Variants in MARK2 observed in about 807,000 individuals in gnomAD.
The protein encoded by MARK2 is microtubule affinity regulating kinase 2.
A neutral mutation model predicts 89.8 loss-of-function variants in MARK2; 16 were observed. The ratio of observed to expected loss-of-function variants is 0.18; its 90% CI spans 0.12 to 0.27. The LOEUF (loss-of-function observed/expected upper bound fraction) is 0.27. MARK2 is among the 10% of genes least tolerant of loss of function. The pLI is 1.00. For synonymous variants in MARK2, 382 were observed against 399.5 expected (o/e 0.96, Z 0.52); for missense variants, 621 against 1,049.9 (o/e 0.59, Z 5.65).
chr11:63,909,307 C>G lies in MARK2; in HGVS notation c.*70C>G. 6.9e-7 allele frequency: 1 copy of G among 1,449,464 alleles called. No homozygotes were observed. The allele number at this position is 1,449,464 out of a possible 1,614,324, so 89.8% of individuals were successfully genotyped here. On this transcript the variant is annotated 3_prime_UTR_variant, in exon 19 of 19. Transcript: ENST00000402010. ...GGCTGCCGGCCGCTGCGCCGCCCCA[C>G]CTGGGCGAGACTGCAGCGATGGATT...
At chr11:63,905,685 A>G (rs1253858348) in intron 16 of MARK2, among the ~76,000 whole-genome samples, 4 of 152,238 alleles carry the variant, frequency 2.6e-5, no homozygotes, top group African/African-American at 9.6e-5. Context: ...CAGCCACCAC[A>G]GAGGTGCAGC....
chr11:63,856,940 T>C (rs2016894965), intron 1 of MARK2, among the ~76,000 whole-genome samples: 1 of 151,724 alleles, frequency 6.6e-6, no homozygotes, highest in African/African-American at 2.4e-5. Context: ...CCCGAGTAGC[T>C]GGGAGGGACT....
chr11:63,889,509 C>G (rs1939657900), intron 1 of MARK2, among the ~76,000 whole-genome samples: 1 of 152,216 alleles, frequency 6.6e-6, no homozygotes. Flanking sequence ...CCCTGCCTAC[C>G]TGAGTCAGCG....
At chr11:63,849,963 G>A (rs983019845) in intron 1 of MARK2, 3 of 152,194 alleles carry the variant, frequency 2.0e-5, no homozygotes, top group Admixed American at 6.5e-5. Context: ...ACAGCAGAAT[G>A]ATCATTGTCA....
At chr11:63,898,160 G>C in intron 3 of MARK2, 72 bp from the exon 4 acceptor site, 2 of 1,347,818 alleles carry the variant, frequency 1.5e-6, no homozygotes, top group Non-Finnish European at 2.1e-6. Flanking sequence ...AACAAATCCT[G>C]GCAGGGACTG....
intron 3 of MARK2, among the ~76,000 whole-genome samples, chr11:63,896,285 T>C (rs1038929650): frequency 9.2e-5 from 14 of 152,156 alleles, no homozygotes; most frequent in Admixed American, 7.9e-4. Flanking sequence ...CAAAAACACA[T>C]GTTTGTAGCC....
At chr11:63,866,563 G>A (rs1938142134) in intron 1 of MARK2, among the ~76,000 whole-genome samples, 1 of 152,126 alleles carries the variant, frequency 6.6e-6, no homozygotes, top group Non-Finnish European at 1.5e-5. Flanking sequence ...TTTAGGTGCT[G>A]AACTCCCAGT....
At chr11:63,858,275 C>G (rs566163306) in intron 1 of MARK2, among the ~76,000 whole-genome samples, 42 of 152,170 alleles carry the variant, frequency 2.8e-4, no homozygotes, top group African/African-American at 9.9e-4. Context: ...CTCGGCCTCC[C>G]AAAGTGCTAG....
chr11:63,899,865 A>G lies in MARK2; in HGVS notation c.532-9A>G, dbSNP rs1404352715. ...TTGGTTCCCTGATGTTTTCCATCTT[A>G]CCTCCCAGGCAGAAAACCTGCTCTT... is the stretch of plus-strand genomic sequence containing the variant. On this transcript the variant is annotated splice_polypyrimidine_tract_variant and intron_variant, in intron 7 of 18. Transcript: ENST00000402010. 1.9e-6 allele frequency: 3 copies of G among 1,599,106 alleles called. No homozygotes were observed. In the South Asian group the frequency reaches 3.3e-5, roughly 18 times the overall value.
intron 1 of MARK2, among the ~76,000 whole-genome samples, chr11:63,846,748 C>T (rs184167404): frequency 6.6e-6 from 1 of 151,824 alleles, no homozygotes; most frequent in African/African-American, 2.4e-5. Context: ...GTCCGCCTCC[C>T]GGATTCACGC....
chr11:63,845,782 G>A (rs2016248019), intron 1 of MARK2, among the ~76,000 whole-genome samples: 1 of 152,098 alleles, frequency 6.6e-6, no homozygotes, highest in Non-Finnish European at 1.5e-5. Context: ...GAGTGCAGTG[G>A]CAGGATCTCA....
At chr11:63,896,931 T>C (rs1940456593) in intron 3 of MARK2, among the ~76,000 whole-genome samples, 1 of 152,168 alleles carries the variant, frequency 6.6e-6, no homozygotes, top group Non-Finnish European at 1.5e-5. Context: ...CCCTAATTCT[T>C]CTTGGTTTTC....
chr11:63,901,180 T>C, intron 11 of MARK2, 111 bp downstream of exon 11: 1 of 713,998 alleles, frequency 1.4e-6, no homozygotes, highest in Non-Finnish European at 2.5e-6. Flanking sequence ...GTGTGCTCTC[T>C]GCTCACCAAT....
Position 63,903,033 on chromosome 11 carries a change from T to C in MARK2, c.1417-28T>C, listed in dbSNP as rs764634716. On this transcript the variant is annotated intron_variant, in intron 13 of 18. Transcript: ENST00000402010. This position sits in a 1 kb window ranked among gnomAD's most constrained non-coding sequence, Gnocchi z 5.1. ...GCTGTAGACCACTTTGGCTTTCTGA[T>C]AGAACGCTTGCCCTTTATTCCCCAC... 3.1e-6 allele frequency: 5 copies of C among 1,599,506 alleles called. No individual in the cohort carries two copies. Among genetic ancestry groups the C allele is most frequent in the Non-Finnish European group, 4.3e-6 (5 of 1,166,948 alleles).
rs1274158495 is a variant in MARK2, at chr11:63,903,837, C to G, written c.1515-149C>G. ...CTTCTCAGCCCCGCATTCCTCAGTTCTGACTTGCATCCCGCTGCTGCCCAG... is the reference window on the plus strand; with the variant it reads ...CTTCTCAGCCCCGCATTCCTCAGTTGTGACTTGCATCCCGCTGCTGCCCAG... On this transcript the variant is annotated intron_variant, in intron 14 of 18. Coordinates refer to ENST00000402010, the MANE Select transcript of MARK2 (RefSeq NM_001039469.3). This position sits in a 1 kb window ranked among gnomAD's most constrained non-coding sequence, Gnocchi z 5.1. 6.6e-6 allele frequency: 4 copies of G among 608,170 alleles called. No individual in the cohort carries two copies. In the Admixed American group the frequency reaches 9.9e-5, roughly 15 times the overall value. 37.7% of individuals were successfully genotyped at this position (608,170 alleles called of 1,614,324 possible). A position where few individuals can be genotyped will look rare whatever the true frequency, so the allele number is the denominator to read the frequency against.
At chr11:63,893,176 G>T (rs945339157) in intron 1 of MARK2, among the ~76,000 whole-genome samples, 2 of 150,144 alleles carry the variant, frequency 1.3e-5, no homozygotes, top group Non-Finnish European at 3.0e-5. Context: ...AACCTCCCAA[G>T]ATTTCTTAAT....
At chr11:63,886,960 C>G (rs1428300918) in intron 1 of MARK2, among the ~76,000 whole-genome samples, 1 of 152,236 alleles carries the variant, frequency 6.6e-6, no homozygotes, top group Non-Finnish European at 1.5e-5. Flanking sequence ...GCCGGAGGGC[C>G]CGGGCAAGCT....
chr11:63,873,569 G>A (rs1270252493), intron 1 of MARK2, among the ~76,000 whole-genome samples: 1 of 152,182 alleles, frequency 6.6e-6, no homozygotes, highest in Non-Finnish European at 1.5e-5. Flanking sequence ...ACATCCTCTC[G>A]CTGCTAAGAC....
intron 1 of MARK2, among the ~76,000 whole-genome samples, chr11:63,879,844 TTCC>T (rs1318468790): frequency 1.3e-5 from 2 of 152,142 alleles, no homozygotes; most frequent in Non-Finnish European, 2.9e-5. Context: ...TTTCTGACAT[TTCC>T]TCCTCCTTAT....
Sources: allele counts gnomAD v4.1 joint callset (sites outside exome capture counted in the v4.1 genomes callset), GRCh38; gene constraint gnomAD v4.1.1; non-coding constraint Gnocchi (gnomAD v3.1); transcripts MANE v1.5; gene names NCBI Gene and HGNC (gene_info 2026-07-23, HGNC 2026-07-21).